Variants in OR56A1 observed in about 807,000 individuals in gnomAD.
The protein encoded by OR56A1 is olfactory receptor 56A1.
For missense variants in OR56A1, 360 were observed against 380.9 expected (o/e 0.94, Z 0.46); for synonymous variants, 174 against 159.1 (o/e 1.09, Z -0.70).
At chr11:6,031,134 A>G (rs1848507993), upstream of OR56A1, among the ~76,000 whole-genome samples, 1 of 152,200 alleles carries the variant, frequency 6.6e-6, no homozygotes, top group Non-Finnish European at 1.5e-5. Flanking sequence ...TATTGAAGAT[A>G]TAAAAAATGG....
Position 6,026,780 on chromosome 11 carries a change from CCT to C in OR56A1, c.911_912del (p.Gln304ArgfsTer14), listed in dbSNP as rs767406765. ...CCTCTCTGCAGTAACTTCTGAATTC[CCT>C]GTTTTATCTCTTTGGTCCGAACCCC... ...VYGVRTKEIK[Q>X]GIQKLLQRGR On this transcript the variant is annotated frameshift_variant, in exon 2 of 2. Coordinates refer to ENST00000641900, the MANE Select transcript of OR56A1 (RefSeq NM_001388488.1). LOFTEE classifies it low-confidence loss of function (END_TRUNC). The C allele has an allele frequency of 2.5e-6, 4 of 1,607,024 alleles. No individual in the cohort carries two copies. The African/African-American group carries it at 4.0e-5, about 16-fold the overall frequency.
In OR56A1 at chr11:6,026,894, C is replaced by A; in HGVS notation, c.799G>T (p.Ala267Ser). Residue 267 changes from alanine (A) to serine (S), a missense_variant, in exon 2 of 2, where the codon GCC becomes TCC. Ala to Ser is a moderately conservative substitution (Grantham distance 99). Coordinates refer to ENST00000641900, the MANE Select transcript of OR56A1 (RefSeq NM_001388488.1). ...ILLVVVLTNV[A>S]RKKVPMDILI... ...ATGTCCATGGGGACCTTCTTTCTGG[C>A]CACGTTTGTCAACACCACAACCAGC... 1.9e-6 allele frequency: 3 copies of A among 1,614,138 alleles called. No individual in the cohort carries two copies. The highest frequency in any genetic ancestry group is 2.5e-6 in the Non-Finnish European group (3 of 1,180,004).
In OR56A1 at chr11:6,022,454, A is replaced by T. The variant is rs924313809; in HGVS notation, c.*4294T>A. 1 of 152,146 alleles carries T rather than the reference A, an allele frequency of 6.6e-6. No homozygotes were observed. The highest frequency in any genetic ancestry group is 1.5e-5 in the Non-Finnish European group (1 of 68,006). 9.4% of individuals were successfully genotyped at this position (152,146 alleles called of 1,614,324 possible). A position where few individuals can be genotyped will look rare whatever the true frequency, so the allele number is the denominator to read the frequency against. On this transcript the variant is annotated 3_prime_UTR_variant, in exon 2 of 2. Coordinates refer to ENST00000641900, the MANE Select transcript of OR56A1 (RefSeq NM_001388488.1). ...CTGTGCTATCATTGTTACAGTAGCT[A>T]ACTTTAATTGCATTGACTAATTCAA...
In OR56A1 at chr11:6,025,858, T is replaced by C. The variant is rs1362741818; in HGVS notation, c.*890A>G. On this transcript the variant is annotated 3_prime_UTR_variant, in exon 2 of 2. Transcript: ENST00000641900. Reference sequence around the variant, plus strand: ...AAACAATTGTTTACATTAAATTATCTGTAAATAACCAGTGTAAGGTTTTTT... The same window carrying C: ...AAACAATTGTTTACATTAAATTATCCGTAAATAACCAGTGTAAGGTTTTTT... 1 of 152,240 alleles carries C rather than the reference T, an allele frequency of 6.6e-6. No homozygotes were observed. The highest frequency in any genetic ancestry group is 1.5e-5 in the Non-Finnish European group (1 of 68,042). 9.4% of individuals were successfully genotyped at this position (152,240 alleles called of 1,614,324 possible).
chr11:6,033,954 G>T (rs1433728262), upstream of OR56A1, among the ~76,000 whole-genome samples: 1 of 152,220 alleles, frequency 6.6e-6, no homozygotes, highest in Admixed American at 6.5e-5. Context: ...AGCATGCCTG[G>T]CTCTGCTCTA....
Position 6,022,505 on chromosome 11 carries a change from G to A in OR56A1, c.*4243C>T, listed in dbSNP as rs1372416461. ...TGCGTGTGGGTTTTTAGTGTACTCT[G>A]CCTTTGATATCTATAATCTGGAGTA... is the stretch of plus-strand genomic sequence containing the variant. On this transcript the variant is annotated 3_prime_UTR_variant, in exon 2 of 2. Transcript: ENST00000641900. 6.6e-6 allele frequency: 1 copy of A among 152,092 alleles called. No individual in the cohort carries two copies. Among genetic ancestry groups the A allele is most frequent in the Non-Finnish European group, 1.5e-5 (1 of 68,006 alleles). The allele number at this position is 152,092 out of a possible 1,614,324, so 9.4% of individuals were successfully genotyped here.
At chr11:6,027,819 G>T (rs959527921) in intron 1 of OR56A1, 93 bp from the exon 2 acceptor site, 6 of 790,564 alleles carry the variant, frequency 7.6e-6, no homozygotes, top group South Asian at 6.3e-5. Flanking sequence ...ATGATAGGTA[G>T]TTCACTTTTG....
At position 6,020,867 on chromosome 11, in the gene OR56A1, G is replaced by T. The variant is rs1848388729; in HGVS notation, c.*5881C>A. The T allele has an allele frequency of 6.6e-6, 1 of 152,064 alleles. No homozygotes were observed. Among genetic ancestry groups the T allele is most frequent in the African/African-American group, 2.4e-5 (1 of 41,414 alleles). 9.4% of individuals were successfully genotyped at this position (152,064 alleles called of 1,614,324 possible). ...TGTTGAACAGAAGTGGTGAGAGAAG[G>T]CATCTTTGCCTTGTGCCAGTTTTAT... is the stretch of plus-strand genomic sequence containing the variant. On this transcript the variant is annotated 3_prime_UTR_variant, in exon 2 of 2. Coordinates refer to ENST00000641900, the MANE Select transcript of OR56A1 (RefSeq NM_001388488.1).
At position 6,027,746 on chromosome 11, in the gene OR56A1, C is replaced by CA; in HGVS notation, c.-34-21dup. 7.3e-7 allele frequency: 1 copy of CA among 1,369,730 alleles called. No individual in the cohort carries two copies. The highest frequency in any genetic ancestry group is 1.0e-6 in the Non-Finnish European group (1 of 1,001,170). The allele number at this position is 1,369,730 out of a possible 1,614,324, so 84.8% of individuals were successfully genotyped here. ...TGATGACTATGTTTATGGGCAGATACAAGAGGTTATTTTTACAAATTGCTT... is the reference window on the plus strand; with the variant it reads ...TGATGACTATGTTTATGGGCAGATACAAAGAGGTTATTTTTACAAATTGCTT... On this transcript the variant is annotated intron_variant, in intron 1 of 1. Transcript: ENST00000641900.
At position 6,020,408 on chromosome 11, in the gene OR56A1, G is replaced by T; in HGVS notation, c.*6340C>A. Reference sequence around the variant, plus strand: ...GTAAATTGCTTTTGGGCAGTGTAGTGATTTTAATGGTACTGATTCTTCCTA... The same window carrying T: ...GTAAATTGCTTTTGGGCAGTGTAGTTATTTTAATGGTACTGATTCTTCCTA... On this transcript the variant is annotated 3_prime_UTR_variant, in exon 2 of 2. Coordinates refer to ENST00000641900, the MANE Select transcript of OR56A1 (RefSeq NM_001388488.1). 6.6e-6 allele frequency: 1 copy of T among 152,044 alleles called. No individual in the cohort carries two copies. Among genetic ancestry groups the T allele is most frequent in the East Asian group, 1.9e-4 (1 of 5,202 alleles). 9.4% of individuals were successfully genotyped at this position (152,044 alleles called of 1,614,324 possible). A position where few individuals can be genotyped will look rare whatever the true frequency, so the allele number is the denominator to read the frequency against.
At chr11:6,033,144 A>G (rs574828282), upstream of OR56A1, among the ~76,000 whole-genome samples, 1 of 152,188 alleles carries the variant, frequency 6.6e-6, no homozygotes, top group South Asian at 2.1e-4. Context: ...TACTGCCTGA[A>G]TGAGCCCAGG....
rs527281512 is a variant in OR56A1, at chr11:6,021,277, G to C, written c.*5471C>G. The C allele has an allele frequency of 5.2e-4, 79 of 152,148 alleles. No homozygotes were observed. The highest frequency in any genetic ancestry group is 1.7e-3 in the African/African-American group (71 of 41,530). 9.4% of individuals were successfully genotyped at this position (152,148 alleles called of 1,614,324 possible). On this transcript the variant is annotated 3_prime_UTR_variant, in exon 2 of 2. Coordinates refer to ENST00000641900, the MANE Select transcript of OR56A1 (RefSeq NM_001388488.1). Reference sequence around the variant, plus strand: ...GTTTTTGCTTTAGAATTTAAAAAATGTATTGATCCTACACAAATTACAATT... The same window carrying C: ...GTTTTTGCTTTAGAATTTAAAAAATCTATTGATCCTACACAAATTACAATT...
rs1848445582 is a variant in OR56A1, at chr11:6,026,202, C to T, written c.*546G>A. On this transcript the variant is annotated 3_prime_UTR_variant, in exon 2 of 2. Transcript: ENST00000641900. ...TGTTATAAAGTTCTTTTCTTCTTGC[C>T]CAGCAGAAGTTTTGTCAAGCAAGAC... The T allele has an allele frequency of 1.3e-5, 2 of 153,190 alleles. No homozygotes were observed. Among genetic ancestry groups the T allele is most frequent in the African/African-American group, 4.8e-5 (2 of 41,428 alleles). 9.5% of individuals were successfully genotyped at this position (153,190 alleles called of 1,614,324 possible). A position where few individuals can be genotyped will look rare whatever the true frequency, so the allele number is the denominator to read the frequency against.
In OR56A1 at chr11:6,021,832, T is replaced by A. The variant is rs892841723; in HGVS notation, c.*4916A>T. 2.6e-5 allele frequency: 4 copies of A among 152,088 alleles called. No individual in the cohort carries two copies. Among genetic ancestry groups the A allele is most frequent in the African/African-American group, 9.7e-5 (4 of 41,422 alleles). The allele number at this position is 152,088 out of a possible 1,614,324, so 9.4% of individuals were successfully genotyped here. On this transcript the variant is annotated 3_prime_UTR_variant, in exon 2 of 2. Transcript: ENST00000641900. ...TCTAGTCAAGAAACTTGTCCCCCTC[T>A]CAGTAAGTAAAAATATTGCAATATC... is the stretch of plus-strand genomic sequence containing the variant.
chr11:6,030,144 A>T (rs1001546065), intron 1 of OR56A1, among the ~76,000 whole-genome samples: 1 of 152,164 alleles, frequency 6.6e-6, no homozygotes, highest in Non-Finnish European at 1.5e-5. Context: ...CCACTTCTCC[A>T]TATCCACTCT....
chr11:6,030,778 T>C (rs1277507876), upstream of OR56A1: 1 of 152,278 alleles, frequency 6.6e-6, no homozygotes, highest in Non-Finnish European at 1.5e-5. Context: ...TTACACAAGA[T>C]CAAGTCCTCC....
rs941223826 is a variant in OR56A1 at position 6,024,949 on chromosome 11, A to G, written c.*1799T>C. ...CCAATGGGTATAATTTTTCTTTCCT[A>G]CTGTTGTTGAGTGACTGGAAGAAAC... On this transcript the variant is annotated 3_prime_UTR_variant, in exon 2 of 2. Transcript: ENST00000641900. 2 of 152,076 alleles carry G rather than the reference A, an allele frequency of 1.3e-5. No homozygotes were observed. Among genetic ancestry groups the G allele is most frequent in the Non-Finnish European group, 2.9e-5 (2 of 68,004 alleles). The allele number at this position is 152,076 out of a possible 1,614,324, so 9.4% of individuals were successfully genotyped here. A position where few individuals can be genotyped will look rare whatever the true frequency, so the allele number is the denominator to read the frequency against.
chr11:6,022,023 G>C lies in OR56A1; in HGVS notation c.*4725C>G, dbSNP rs1481418350. On this transcript the variant is annotated 3_prime_UTR_variant, in exon 2 of 2. Coordinates refer to ENST00000641900, the MANE Select transcript of OR56A1 (RefSeq NM_001388488.1). ...ATGGAGAAGGCCACACACATCTGTA[G>C]GTCTTGGATTTTTTGCTGCATAGAG... 6.6e-6 allele frequency: 1 copy of C among 152,132 alleles called. No individual in the cohort carries two copies. Among genetic ancestry groups the C allele is most frequent in the Non-Finnish European group, 1.5e-5 (1 of 67,994 alleles). The allele number at this position is 152,132 out of a possible 1,614,324, so 9.4% of individuals were successfully genotyped here.
In OR56A1 at chr11:6,024,255, G is replaced by A. The variant is rs370727035; in HGVS notation, c.*2493C>T. 1 of 152,344 alleles carries A rather than the reference G, an allele frequency of 6.6e-6. No homozygotes were observed. The highest frequency in any genetic ancestry group is 2.1e-4 in the South Asian group (1 of 4,820). 9.4% of individuals were successfully genotyped at this position (152,344 alleles called of 1,614,324 possible). A position where few individuals can be genotyped will look rare whatever the true frequency, so the allele number is the denominator to read the frequency against. On this transcript the variant is annotated 3_prime_UTR_variant, in exon 2 of 2. Transcript: ENST00000641900. ...GGGTGATCACTGTTGTCCCACTGCT[G>A]TCTTGGTCCCTCCATCCTTTACAAA...
Sources: allele counts gnomAD v4.1 joint callset (sites outside exome capture counted in the v4.1 genomes callset), GRCh38; gene constraint gnomAD v4.1.1; transcripts MANE v1.5; gene names NCBI Gene and HGNC (gene_info 2026-07-23, HGNC 2026-07-21).